AP3S1: variants seen among roughly 807,000 people sequenced by gnomAD.
The protein encoded by AP3S1 is adaptor related protein complex 3 subunit sigma 1, also known as AP-3 complex subunit sigma-1.
AP3S1 carries 12 observed loss-of-function variants against 21.3 expected under a neutral mutation model. That is an observed-to-expected ratio of 0.56 (90% CI 0.36 to 0.91). AP3S1 has a LOEUF of 0.91. Among genes scored for constraint, AP3S1 ranks in the 40% least tolerant of loss-of-function variants. AP3S1 has a pLI of 0.01. For missense variants in AP3S1, 116 were observed against 225.0 expected (o/e 0.52, Z 3.10); for synonymous variants, 48 against 78.4 (o/e 0.61, Z 2.05).
At chr5:115,855,744 A>G (rs917637271) in intron 1 of AP3S1, among the ~76,000 whole-genome samples, 4 of 152,280 alleles carry the variant, frequency 2.6e-5, no homozygotes, top group Admixed American at 6.5e-5. Flanking sequence ...GTATTAGATC[A>G]TAAGCTGTTT....
intron 3 of AP3S1, among the ~76,000 whole-genome samples, chr5:115,870,485 C>T (rs1268035819): frequency 2.6e-5 from 4 of 152,152 alleles, no homozygotes; most frequent in African/African-American, 9.7e-5. Flanking sequence ...CAGTCATCAG[C>T]AAATTTCTTT....
intron 2 of AP3S1, among the ~76,000 whole-genome samples, chr5:115,867,677 A>C (rs188679558): frequency 6.6e-6 from 1 of 152,190 alleles, no homozygotes; most frequent in Non-Finnish European, 1.5e-5. Flanking sequence ...CAAGGCTTCT[A>C]ATTTAATAAT....
intron 3 of AP3S1, among the ~76,000 whole-genome samples, chr5:115,873,842 T>C (rs1226672863): frequency 1.3e-5 from 2 of 152,158 alleles, no homozygotes; most frequent in East Asian, 3.8e-4. Context: ...GTCTTGCATA[T>C]TCTTTTAGAG....
intron 1 of AP3S1, among the ~76,000 whole-genome samples, chr5:115,857,905 C>A (rs368100599): frequency 6.6e-6 from 1 of 152,160 alleles, no homozygotes; most frequent in Admixed American, 6.5e-5. Flanking sequence ...TTTCCTGACA[C>A]TTTTTCTTCA....
At chr5:115,897,763 G>A (rs915691150) in intron 4 of AP3S1, among the ~76,000 whole-genome samples, 3 of 151,668 alleles carry the variant, frequency 2.0e-5, no homozygotes, top group Admixed American at 6.6e-5. Flanking sequence ...GGTATTTCAC[G>A]GTGTTAGCCA....
At chr5:115,848,060 T>C (rs1023556022) in intron 1 of AP3S1, among the ~76,000 whole-genome samples, 1 of 152,144 alleles carries the variant, frequency 6.6e-6, no homozygotes, top group Non-Finnish European at 1.5e-5. Flanking sequence ...TGATTTTTGG[T>C]TATGAGGTAA....
intron 1 of AP3S1, among the ~76,000 whole-genome samples, chr5:115,844,619 G>C (rs1761923253): frequency 6.6e-6 from 1 of 152,214 alleles, no homozygotes; most frequent in African/African-American, 2.4e-5. Flanking sequence ...GGGAACATTA[G>C]TTGGAAGTGT....
intron 3 of AP3S1, among the ~76,000 whole-genome samples, chr5:115,888,949 G>A (rs906975439): frequency 3.9e-5 from 6 of 152,032 alleles, no homozygotes; most frequent in Non-Finnish European, 5.9e-5. Flanking sequence ...TTATAGTTCT[G>A]AGATTTAAAG....
At chr5:115,859,739 A>G (rs979121385) in intron 1 of AP3S1, among the ~76,000 whole-genome samples, 3 of 152,196 alleles carry the variant, frequency 2.0e-5, no homozygotes, top group Admixed American at 1.3e-4. Context: ...CATAGTTGGT[A>G]TCTCTATTAT....
chr5:115,897,968 A>G (rs1051128147), intron 4 of AP3S1, among the ~76,000 whole-genome samples: 2 of 152,196 alleles, frequency 1.3e-5, no homozygotes, highest in African/African-American at 4.8e-5. Context: ...TGTAGAGAAT[A>G]TCCCTTTTGT....
intron 1 of AP3S1, among the ~76,000 whole-genome samples, chr5:115,858,858 TTTC>T (rs1406982430): frequency 6.6e-6 from 1 of 150,692 alleles, no homozygotes; most frequent in Non-Finnish European, 1.5e-5. Context: ...ATTTTTAAAT[TTTC>T]TTCTTTTTAC....
rs755171274 is a variant in AP3S1 at position 115,845,836 on chromosome 5, CAAAAAAAAAAAAAAAAAAAAA to C, written c.69+3748_69+3768del. 6.2e-3 allele frequency among the ~76,000 whole-genome samples: 213 copies of C among 34,458 alleles called. 2 individuals carry two copies. Among genetic ancestry groups the C allele is most frequent in the East Asian group, 0.055 (35 of 636 alleles). The allele number at this position is 34,458 out of a possible 152,430, so 22.6% of individuals were successfully genotyped here. ...TGGGTGACAGAGTGAGACTCCATCT[CAAAAAAAAAAAAAAAAAAAAA>C]AAAAAAAAAAAAAAAAATTCAAGTC... is the stretch of plus-strand genomic sequence containing the variant. On this transcript the variant is annotated intron_variant, in intron 1 of 5. Coordinates refer to ENST00000316788, the MANE Select transcript of AP3S1 (RefSeq NM_001284.4).
chr5:115,906,500 T>C (rs563796570), intron 5 of AP3S1, among the ~76,000 whole-genome samples: 14 of 152,322 alleles, frequency 9.2e-5, no homozygotes, highest in African/African-American at 3.4e-4. Context: ...ACTCTGAATG[T>C]ATTTCCATCT....
intron 3 of AP3S1, among the ~76,000 whole-genome samples, chr5:115,875,140 T>G (rs1007541098): frequency 2.6e-5 from 4 of 152,106 alleles, no homozygotes; most frequent in African/African-American, 9.7e-5. Context: ...GAAGTAAATA[T>G]GTTTTTTTTT....
At chr5:115,862,616 C>A (rs536230363) in intron 1 of AP3S1, among the ~76,000 whole-genome samples, 2 of 152,122 alleles carry the variant, frequency 1.3e-5, no homozygotes, top group Non-Finnish European at 2.9e-5. Flanking sequence ...CATTCTGTTG[C>A]TATTGTGGTA....
At chr5:115,895,008 A>T in intron 3 of AP3S1, 79 bp from the exon 4 acceptor site, 1 of 918,856 alleles carries the variant, frequency 1.1e-6, no homozygotes. Context: ...TTAGTTCATA[A>T]TTAAGAATTG....
At chr5:115,897,012 TC>T (rs1750807682) in intron 4 of AP3S1, among the ~76,000 whole-genome samples, 1 of 152,186 alleles carries the variant, frequency 6.6e-6, no homozygotes, top group Middle Eastern at 3.2e-3. Context: ...ATCTGCAACT[TC>T]CATACATGAC....
intron 1 of AP3S1, among the ~76,000 whole-genome samples, chr5:115,863,516 A>G (rs1321628339): frequency 6.6e-6 from 1 of 152,066 alleles, no homozygotes; most frequent in Admixed American, 6.6e-5. Context: ...GGTTGCAGTG[A>G]GTCAAAATTG....
intron 1 of AP3S1, among the ~76,000 whole-genome samples, chr5:115,858,059 C>G (rs1265960663): frequency 6.6e-6 from 1 of 152,160 alleles, no homozygotes; most frequent in African/African-American, 2.4e-5. Flanking sequence ...TTGACTAGGA[C>G]CAATCCAGAC....
Sources: gnomAD v4.1 joint callset for allele counts (sites outside exome capture counted in the v4.1 genomes callset) on GRCh38, gnomAD v4.1.1 for gene constraint, MANE v1.5 for transcripts, NCBI Gene and HGNC (gene_info 2026-07-23, HGNC 2026-07-21) for gene names.